The following FAF1 variants were observed in gnomAD, a reference collection of about 807,000 sequenced individuals.
The protein encoded by FAF1 is Fas associated factor 1.
Under a neutral mutation model 92.5 loss-of-function variants are expected in FAF1, and 25 were observed. The observed-to-expected ratio is 0.27, with a 90% CI of 0.20 to 0.38. FAF1 has a LOEUF of 0.38. FAF1 is among the 10% of genes least tolerant of loss of function. The pLI, the probability that FAF1 is intolerant of heterozygous loss-of-function variation, is 1.00. For missense variants in FAF1, 636 were observed against 793.3 expected, an observed-to-expected ratio of 0.80 and a Z score of 2.38; for synonymous variants, 234 against 273.2, an observed-to-expected ratio of 0.86 and a Z score of 1.42.
intron 1 of FAF1, among the ~76,000 whole-genome samples, chr1:50,878,744 G>A (rs1644589554): frequency 6.6e-6 from 1 of 152,072 alleles, no homozygotes; most frequent in Admixed American, 6.6e-5. Flanking sequence ...CTAGCAACAA[G>A]TTACTGTGGA....
chr1:50,895,483 AC>A (rs1410500555), intron 1 of FAF1, among the ~76,000 whole-genome samples: 1 of 152,006 alleles, frequency 6.6e-6, no homozygotes, highest in Non-Finnish European at 1.5e-5. Context: ...TCGAACTATT[AC>A]AAAAAACAGA....
At chr1:50,750,681 T>C (rs1326215564) in intron 4 of FAF1, among the ~76,000 whole-genome samples, 1 of 150,420 alleles carries the variant, frequency 6.6e-6, no homozygotes, top group Non-Finnish European at 1.5e-5. Flanking sequence ...TGGAGTGCAG[T>C]GGCGCAATCT....
At chr1:50,524,284 A>T (rs1647671571) in intron 15 of FAF1, among the ~76,000 whole-genome samples, 1 of 152,226 alleles carries the variant, frequency 6.6e-6, no homozygotes, top group Non-Finnish European at 1.5e-5. Context: ...GCTGGATATT[A>T]GACCTCTGTC....
chr1:50,763,619 T>A (rs1215649423), intron 4 of FAF1, among the ~76,000 whole-genome samples: 1 of 152,190 alleles, frequency 6.6e-6, no homozygotes, highest in East Asian at 1.9e-4. Context: ...TCCCAGTATT[T>A]TTGCTGTGTG....
intron 1 of FAF1, among the ~76,000 whole-genome samples, chr1:50,862,051 C>T (rs942382925): frequency 2.7e-5 from 4 of 149,298 alleles, no homozygotes; most frequent in Admixed American, 1.3e-4. Flanking sequence ...AACAAAGTTA[C>T]AAAAATAGTT....
At chr1:50,810,980 G>A (rs1430663157) in intron 2 of FAF1, among the ~76,000 whole-genome samples, 1 of 152,172 alleles carries the variant, frequency 6.6e-6, no homozygotes, top group Non-Finnish European at 1.5e-5. Flanking sequence ...GGATGGCAGA[G>A]GTTGCAGAGA....
intron 7 of FAF1, among the ~76,000 whole-genome samples, chr1:50,699,047 G>A (rs1162043797): frequency 6.6e-6 from 1 of 151,988 alleles, no homozygotes; most frequent in Non-Finnish European, 1.5e-5. Context: ...CTATTGGTAT[G>A]ATTTTGTTGT....
At chr1:50,938,941 C>G (rs1017886703) in intron 1 of FAF1, among the ~76,000 whole-genome samples, 1 of 152,122 alleles carries the variant, frequency 6.6e-6, no homozygotes, top group Admixed American at 6.6e-5. Context: ...GTTTTTGTAC[C>G]AGTACCATGC....
chr1:50,445,125 T>C (rs1646213245), intron 18 of FAF1, among the ~76,000 whole-genome samples: 1 of 152,128 alleles, frequency 6.6e-6, no homozygotes, highest in Non-Finnish European at 1.5e-5. Flanking sequence ...AACAGGTGGT[T>C]TTTGTTACAT....
intron 6 of FAF1, among the ~76,000 whole-genome samples, chr1:50,717,024 G>C (rs557488372): frequency 6.6e-6 from 1 of 152,252 alleles, no homozygotes; most frequent in African/African-American, 2.4e-5. Flanking sequence ...CCACCAGAAG[G>C]AAGAAATTCC....
chr1:50,734,877 T>C (rs1315347428), intron 6 of FAF1, among the ~76,000 whole-genome samples: 1 of 152,198 alleles, frequency 6.6e-6, no homozygotes, highest in Non-Finnish European at 1.5e-5. Flanking sequence ...GTAAGTTATC[T>C]ATACATATTT....
intron 1 of FAF1, among the ~76,000 whole-genome samples, chr1:50,929,553 T>C (rs1256375267): frequency 6.6e-6 from 1 of 152,232 alleles, no homozygotes; most frequent in East Asian, 1.9e-4. Flanking sequence ...TGTAAGAGCT[T>C]ACATTATCTT....
chr1:50,691,357 C>T (rs1229850527), intron 7 of FAF1, among the ~76,000 whole-genome samples: 1 of 151,768 alleles, frequency 6.6e-6, no homozygotes, highest in Non-Finnish European at 1.5e-5. Context: ...ATTCTCATGC[C>T]TCAGCCTCCC....
intron 1 of FAF1, among the ~76,000 whole-genome samples, chr1:50,915,897 G>A (rs1398440636): frequency 1.3e-5 from 2 of 151,984 alleles, no homozygotes; most frequent in Non-Finnish European, 2.9e-5. Flanking sequence ...GGACAAGCAG[G>A]AACCTTTAAA....
intron 2 of FAF1, among the ~76,000 whole-genome samples, chr1:50,815,860 C>G (rs1643966746): frequency 6.6e-6 from 1 of 151,974 alleles, no homozygotes; most frequent in South Asian, 2.1e-4. Context: ...CCTGTCTCTA[C>G]TAAAAATACC....
intron 15 of FAF1, among the ~76,000 whole-genome samples, chr1:50,511,262 TTTA>T (rs1277618139): frequency 6.6e-6 from 1 of 152,172 alleles, no homozygotes; most frequent in Non-Finnish European, 1.5e-5. Context: ...GTTCTGAGAT[TTTA>T]TTATTATACT....
At chr1:50,957,438 G>A (rs962550724) in intron 1 of FAF1, among the ~76,000 whole-genome samples, 2 of 141,610 alleles carry the variant, frequency 1.4e-5, no homozygotes, top group African/African-American at 5.3e-5. Context: ...TGCAAGCTCC[G>A]CCTCCCAGGT....
At chr1:50,690,340 T>C (rs1264563438) in intron 7 of FAF1, among the ~76,000 whole-genome samples, 1 of 152,104 alleles carries the variant, frequency 6.6e-6, no homozygotes, top group Admixed American at 6.5e-5. Context: ...GCATGGTGGC[T>C]CACACCTGTA....
chr1:50,810,186 C>G (rs994307244), intron 2 of FAF1, among the ~76,000 whole-genome samples: 1 of 152,030 alleles, frequency 6.6e-6, no homozygotes, highest in African/African-American at 2.4e-5. Context: ...ACCTGGGAGA[C>G]AGAGGTTGCA....
Sources: allele counts gnomAD v4.1 joint callset (sites outside exome capture counted in the v4.1 genomes callset), GRCh38; gene constraint gnomAD v4.1.1; transcripts MANE v1.5; gene names NCBI Gene and HGNC (gene_info 2026-07-23, HGNC 2026-07-21).